RORC: variants seen among roughly 807,000 people sequenced by gnomAD.
The protein encoded by RORC is RAR related orphan receptor C, also known as nuclear receptor ROR-gamma.
A neutral mutation model predicts 64.5 loss-of-function variants in RORC; 13 were observed. That is an observed-to-expected ratio of 0.20 (90% confidence interval 0.13 to 0.32). RORC has a LOEUF of 0.32. Among genes scored for constraint, RORC ranks in the 10% least tolerant of loss-of-function variants. RORC has a pLI of 1.00. For synonymous variants in RORC, 277 were observed against 259.3 expected, an observed-to-expected ratio of 1.07 and a Z score of -0.65; for missense variants, 468 against 669.5, an observed-to-expected ratio of 0.70 and a Z score of 3.32.
chr1:151,817,809 G>A (rs945197943), intron 2 of RORC, among the ~76,000 whole-genome samples: 6 of 152,212 alleles, frequency 3.9e-5, no homozygotes, highest in Non-Finnish European at 8.8e-5. Flanking sequence ...GCTCAGGGAG[G>A]TGCTATACAG....
chr1:151,822,844 G>A (rs936978999), intron 2 of RORC, among the ~76,000 whole-genome samples: 1 of 152,268 alleles, frequency 6.6e-6, no homozygotes, highest in African/African-American at 2.4e-5. Context: ...GCAGCAGCAG[G>A]CGTGGAGGTG....
chr1:151,815,992 G>A (rs1381522890), intron 4 of RORC, among the ~76,000 whole-genome samples: 2 of 151,144 alleles, frequency 1.3e-5, no homozygotes, highest in African/African-American at 4.9e-5. Context: ...ACAGCCCCTC[G>A]CCCCGCCTGC....
At chr1:151,826,048 C>T in intron 2 of RORC, 1 of 1,587,086 alleles carries the variant, frequency 6.3e-7, no homozygotes, top group Non-Finnish European at 8.5e-7. Flanking sequence ...TCAGCAGCGC[C>T]TCAGCCTGAA....
intron 6 of RORC, 36 bp downstream of exon 6, chr1:151,814,538 G>C: frequency 6.3e-7 from 1 of 1,591,018 alleles, no homozygotes; most frequent in Non-Finnish European, 8.6e-7. Flanking sequence ...GGTGGGGGTG[G>C]GATACGTTCC....
chr1:151,817,083 T>C, intron 3 of RORC, 112 bp downstream of exon 3: 2 of 878,882 alleles, frequency 2.3e-6, no homozygotes, highest in South Asian at 1.6e-5. Context: ...CAAAGGCCAT[T>C]AACCCCCTTG....
chr1:151,815,353 T>C lies in RORC; in HGVS notation c.371A>G (p.Gln124Arg), dbSNP rs1651718447. ...TGGTTCCTGTTGCTGCTGTTGCCGC[T>C]GCTGCAGCTGTTTCTGCACTTCTGC... is the stretch of plus-strand genomic sequence containing the variant. ...LHAEVQKQLQ[Q>R]RQQQQQEPVV... The change falls in exon 5 of 11, where the codon CAG becomes CGG. Residue 124 changes from glutamine to arginine, a missense_variant. By Grantham distance (43) the Gln-to-Arg change is conservative. Transcript: ENST00000318247. 6.3e-7 allele frequency: 1 copy of C among 1,582,802 alleles called. No homozygotes were observed. The highest frequency in any genetic ancestry group is 8.6e-7 in the Non-Finnish European group (1 of 1,165,434).
At chr1:151,824,655 G>A (rs1337407231) in intron 2 of RORC, among the ~76,000 whole-genome samples, 1 of 152,178 alleles carries the variant, frequency 6.6e-6, no homozygotes, top group East Asian at 1.9e-4. Flanking sequence ...CTAACCTCTG[G>A]GAGAGCTGAG....
At position 151,830,853 on chromosome 1, in the gene RORC, G is replaced by T; in HGVS notation, c.40+872C>A. The T allele has an allele frequency of 2.1e-6, 2 of 969,286 alleles. No homozygotes were observed. The highest frequency in any genetic ancestry group is 1.7e-5 in the African/African-American group (1 of 58,938). 60.0% of individuals were successfully genotyped at this position (969,286 alleles called of 1,614,324 possible). A position where few individuals can be genotyped will look rare whatever the true frequency, so the allele number is the denominator to read the frequency against. On this transcript the variant is annotated intron_variant, in intron 1 of 10. Transcript: ENST00000318247. The surrounding 1 kb of genome is among the most constrained non-coding windows in gnomAD (Gnocchi z 4.0). The stretch of plus-strand genomic sequence containing the variant: ...CCTGGCCCCACCCAGCTTCCTCCCT[G>T]ACGTGGCACCGGCTCCTGGCCTCTA...
At chr1:151,829,932 C>T (rs1322622593) in intron 1 of RORC, among the ~76,000 whole-genome samples, 1 of 152,206 alleles carries the variant, frequency 6.6e-6, no homozygotes, top group Non-Finnish European at 1.5e-5. Flanking sequence ...GTCTTTCCTG[C>T]CAAATTGTAA....
rs145919302 is a variant in RORC at position 151,829,101 on chromosome 1, C to A, written c.70+328G>T. Among the ~76,000 whole-genome samples the A allele has an allele frequency of 7.9e-5, 12 of 151,962 alleles. No individual in the cohort carries two copies. In the East Asian group the frequency reaches 1.9e-3, roughly 25 times the overall value. ...CCCTACCTCTATCTCCTTCCTTCCC[C>A]GGCCTGGCAGTCGGCCCCACCCCCT... On this transcript the variant is annotated intron_variant, in intron 2 of 10. Coordinates refer to ENST00000318247, the MANE Select transcript of RORC (RefSeq NM_005060.4).
Position 151,816,644 on chromosome 1 carries a change from G to T in RORC, c.298+20C>A. The stretch of plus-strand genomic sequence containing the variant: ...TGGAGACACCAGGAAAACCCCAGGG[G>T]GCTGTCGACTTGGCCTCACCATCTC... On this transcript the variant is annotated intron_variant, in intron 4 of 10. Coordinates refer to ENST00000318247, the MANE Select transcript of RORC (RefSeq NM_005060.4). The T allele has an allele frequency of 1.3e-6, 2 of 1,594,144 alleles. No homozygotes were observed. Among genetic ancestry groups the T allele is most frequent in the Non-Finnish European group, 1.7e-6 (2 of 1,171,022 alleles).
In RORC at chr1:151,816,732, C is replaced by T. The variant is rs758504357; in HGVS notation, c.230G>A (p.Arg77His). ...CTRQQNCPID[R>H]TSRNRCQHCR... ...GTGCTGGCATCGGTTTCGGCTGGTG[C>T]GGTCGATGGGGCAGTTCTGCTGACG... is the stretch of plus-strand genomic sequence containing the variant. The change falls in exon 4 of 11, where the codon CGC becomes CAC. Residue 77 changes from arginine to histidine, a missense_variant. By Grantham distance (29) the Arg-to-His change is conservative. Coordinates refer to ENST00000318247, the MANE Select transcript of RORC (RefSeq NM_005060.4). 2 of 1,598,650 alleles carry T rather than the reference C, an allele frequency of 1.3e-6. No individual in the cohort carries two copies. Among genetic ancestry groups the T allele is most frequent in the Non-Finnish European group, 1.7e-6 (2 of 1,172,488 alleles).
At chr1:151,811,497 A>C in intron 9 of RORC, 63 bp from the exon 10 acceptor site, 2 of 1,010,112 alleles carry the variant, frequency 2.0e-6, no homozygotes, top group Non-Finnish European at 3.1e-6. Context: ...CTCCCAACAA[A>C]AGGGTGTATC....
chr1:151,807,186 C>A lies in RORC; in HGVS notation c.*286G>T. On this transcript the variant is annotated 3_prime_UTR_variant, in exon 11 of 11. Coordinates refer to ENST00000318247, the MANE Select transcript of RORC (RefSeq NM_005060.4). This position sits in a 1 kb window ranked among gnomAD's most constrained non-coding sequence, Gnocchi z 5.0. ...TGGTCCCCCAGAAGTCCTTAAATCCCAGCCACCCCATGCCTTCCAGAAGCT... is the reference window on the plus strand; with the variant it reads ...TGGTCCCCCAGAAGTCCTTAAATCCAAGCCACCCCATGCCTTCCAGAAGCT... The A allele has an allele frequency of 3.0e-6, 1 of 335,252 alleles. No individual in the cohort carries two copies. 20.8% of individuals were successfully genotyped at this position (335,252 alleles called of 1,614,324 possible). A position where few individuals can be genotyped will look rare whatever the true frequency, so the allele number is the denominator to read the frequency against.
chr1:151,811,549 C>T (rs1176365910), intron 9 of RORC, 115 bp from the exon 10 acceptor site: 12 of 605,006 alleles, frequency 2.0e-5, no homozygotes, highest in South Asian at 6.9e-5. Flanking sequence ...CTAAGCTGAG[C>T]GCGTGCATGT....
chr1:151,829,365 T>G, intron 2 of RORC, 64 bp downstream of exon 2: 1 of 1,457,228 alleles, frequency 6.9e-7, no homozygotes, highest in Non-Finnish European at 9.2e-7. Context: ...CACAGATCAC[T>G]TGCTGAATTA....
intron 5 of RORC, 90 bp downstream of exon 5, chr1:151,814,822 AT>A: frequency 6.6e-7 from 1 of 1,524,216 alleles, no homozygotes; most frequent in Non-Finnish European, 8.9e-7. Flanking sequence ...GGACCCCTCA[AT>A]TCCCTCAGGC....
chr1:151,812,741 A>G (rs575101120), intron 9 of RORC: 1 of 474,406 alleles, frequency 2.1e-6, no homozygotes, highest in South Asian at 2.6e-5. Flanking sequence ...CCACAACCCC[A>G]CCTTATGCTG....
intron 1 of RORC, 51 bp from the exon 2 acceptor site, chr1:151,829,509 G>T: frequency 2.8e-6 from 4 of 1,441,558 alleles, no homozygotes; most frequent in Non-Finnish European, 3.7e-6. Flanking sequence ...ATCATGAGGG[G>T]CTGAGACACT....
Sources: allele counts gnomAD v4.1 joint callset (sites outside exome capture counted in the v4.1 genomes callset), GRCh38; gene constraint gnomAD v4.1.1; non-coding constraint Gnocchi (gnomAD v3.1); transcripts MANE v1.5; gene names NCBI Gene and HGNC (gene_info 2026-07-23, HGNC 2026-07-21).